Variants in FRMD4A observed in about 807,000 individuals in gnomAD.
The protein encoded by FRMD4A is FERM domain-containing protein 4A.
Under a neutral mutation model 129.1 loss-of-function variants are expected in FRMD4A, and 29 were observed. The observed-to-expected ratio is 0.22, with a 90% CI of 0.17 to 0.31. The LOEUF (loss-of-function observed/expected upper bound fraction) is 0.31, where lower values mean the gene tolerates loss of function less well. Among genes scored for constraint, FRMD4A ranks in the 10% least tolerant of loss-of-function variants. FRMD4A has a pLI of 1.00. For synonymous variants in FRMD4A, 634 were observed against 571.6 expected, an observed-to-expected ratio of 1.11 and a Z score of -1.56; for missense variants, 1,272 against 1,375.8, an observed-to-expected ratio of 0.92 and a Z score of 1.19.
chr10:13,661,355 AGAG>A (rs1422636513), intron 19 of FRMD4A, among the ~76,000 whole-genome samples: 1 of 152,142 alleles, frequency 6.6e-6, no homozygotes, highest in Non-Finnish European at 1.5e-5. Context: ...GGGCAGGCAA[AGAG>A]GAGGAGGAAG....
intron 15 of FRMD4A, among the ~76,000 whole-genome samples, chr10:13,678,464 G>C (rs1444646406): frequency 6.6e-6 from 1 of 152,238 alleles, no homozygotes; most frequent in African/African-American, 2.4e-5. Context: ...CCACTCACTG[G>C]ATGTGTGGCC....
chr10:14,319,179 T>C (rs558333441), intron 2 of FRMD4A, among the ~76,000 whole-genome samples: 1 of 152,310 alleles, frequency 6.6e-6, no homozygotes, highest in South Asian at 2.1e-4. Flanking sequence ...CCATCAGCTC[T>C]TCCCAGCTGA....
In FRMD4A at chr10:14,238,389, C is replaced by A. The variant is rs531174237; in HGVS notation, c.45+91669G>T. Among the ~76,000 whole-genome samples the A allele has an allele frequency of 2.6e-5, 4 of 152,330 alleles. No homozygotes were observed. In the East Asian group the frequency reaches 7.7e-4, roughly 29 times the overall value. ...GTTCGGCCAAGAAATTCGATAGTCA[C>A]CAACTTCATTTCTTCCTTAGGAAAA... On this transcript the variant is annotated intron_variant, in intron 2 of 24. Transcript: ENST00000357447.
intron 2 of FRMD4A, among the ~76,000 whole-genome samples, chr10:14,319,480 G>C (rs1029681821): frequency 5.3e-5 from 8 of 151,922 alleles, no homozygotes; most frequent in Admixed American, 5.3e-4. Flanking sequence ...CTTTGAGGAA[G>C]TGCCGTCATC....
intron 10 of FRMD4A, 102 bp downstream of exon 10, chr10:13,740,409 CA>C: frequency 1.1e-6 from 1 of 880,600 alleles, no homozygotes; most frequent in Non-Finnish European, 1.9e-6. Context: ...ATACACCCCC[CA>C]CTCCCAGATA....
intron 8 of FRMD4A, among the ~76,000 whole-genome samples, chr10:13,756,799 A>T (rs181407705): frequency 6.6e-6 from 1 of 152,220 alleles, no homozygotes; most frequent in African/African-American, 2.4e-5. Context: ...CTTATAGACA[A>T]AAACCAAAAA....
At chr10:13,742,715 C>T (rs1394373431) in intron 9 of FRMD4A, among the ~76,000 whole-genome samples, 1 of 151,980 alleles carries the variant, frequency 6.6e-6, no homozygotes, top group East Asian at 1.9e-4. Flanking sequence ...TGAGGTTTCA[C>T]CACATTGACC....
intron 15 of FRMD4A, chr10:13,685,751 T>C (rs1302699075): frequency 2.7e-6 from 1 of 372,484 alleles, no homozygotes; most frequent in Non-Finnish European, 3.7e-6. Context: ...GAGGCTGGAG[T>C]GAGCTAGCAT....
At chr10:13,920,205 G>A (rs909031114) in intron 2 of FRMD4A, among the ~76,000 whole-genome samples, 5 of 152,140 alleles carry the variant, frequency 3.3e-5, no homozygotes, top group African/African-American at 1.2e-4. Context: ...CAGTTAGATG[G>A]AACAAAAAGA....
At chr10:14,207,668 G>A (rs1215988386) in intron 2 of FRMD4A, among the ~76,000 whole-genome samples, 7 of 149,742 alleles carry the variant, frequency 4.7e-5, no homozygotes. Flanking sequence ...ATAAATGTCA[G>A]CTAATCATCC....
intron 3 of FRMD4A, among the ~76,000 whole-genome samples, chr10:13,832,701 G>A (rs1171525702): frequency 6.6e-6 from 1 of 152,186 alleles, no homozygotes; most frequent in Non-Finnish European, 1.5e-5. Flanking sequence ...ACCCCTAGGG[G>A]ACTAGAGGGT....
At chr10:13,956,579 G>A (rs1167612639) in intron 2 of FRMD4A, among the ~76,000 whole-genome samples, 1 of 152,212 alleles carries the variant, frequency 6.6e-6, no homozygotes, top group East Asian at 1.9e-4. Context: ...GTTGGAGTAT[G>A]GACCTGTGTC....
At chr10:13,772,062 A>C (rs1290935478) in intron 6 of FRMD4A, among the ~76,000 whole-genome samples, 1 of 150,744 alleles carries the variant, frequency 6.6e-6, no homozygotes, top group African/African-American at 2.4e-5. Flanking sequence ...GGTTGCAGTG[A>C]GCTGAGATCA....
At position 13,699,297 on chromosome 10, in the gene FRMD4A, G is replaced by A. The variant is rs151216756; in HGVS notation, c.975+2043C>T. ...TCCCCATGTTTGCCAGGCTGGTCTC[G>A]AACTCCTGACCTCAAGTGATCTGCT... On this transcript the variant is annotated intron_variant, in intron 14 of 24. Coordinates refer to ENST00000357447, the MANE Select transcript of FRMD4A (RefSeq NM_018027.5). Among the ~76,000 whole-genome samples the A allele has an allele frequency of 1.2e-3, 175 of 140,056 alleles. 1 individual carries two copies. Among genetic ancestry groups the A allele is most frequent in the African/African-American group, 4.6e-3 (171 of 37,466 alleles). 91.9% of individuals were successfully genotyped at this position (140,056 alleles called of 152,430 possible). A position where few individuals can be genotyped will look rare whatever the true frequency, so the allele number is the denominator to read the frequency against.
chr10:13,673,669 TAAAC>T (rs777698559), intron 16 of FRMD4A, among the ~76,000 whole-genome samples: 5 of 146,726 alleles, frequency 3.4e-5, no homozygotes, highest in Non-Finnish European at 4.5e-5. Flanking sequence ...AGTCATGAAA[TAAAC>T]AGACAAAGGT....
intron 12 of FRMD4A, among the ~76,000 whole-genome samples, chr10:13,714,865 C>T (rs1033333745): frequency 9.2e-5 from 14 of 152,042 alleles, no homozygotes; most frequent in African/African-American, 3.4e-4. Context: ...TGGTGAACCT[C>T]TGTCTCTACT....
intron 2 of FRMD4A, among the ~76,000 whole-genome samples, chr10:14,022,742 G>A (rs141737740): frequency 6.6e-6 from 1 of 152,204 alleles, no homozygotes; most frequent in African/African-American, 2.4e-5. Context: ...GAAAAGATGG[G>A]TTGTATTTAG....
intron 2 of FRMD4A, among the ~76,000 whole-genome samples, chr10:14,128,007 T>TTC (rs1564319699): frequency 0.052 from 4,993 of 95,482 alleles, 335 homozygotes; most frequent in Non-Finnish European, 0.062. Flanking sequence ...TCTCTTTCTT[T>TTC]CTTTCTTCCT....
intron 9 of FRMD4A, among the ~76,000 whole-genome samples, chr10:13,745,548 CAG>C (rs2091247586): frequency 6.6e-6 from 1 of 152,100 alleles, no homozygotes; most frequent in Middle Eastern, 3.2e-3. Context: ...GCAGAAGAGA[CAG>C]AGAGAGTGTG....
Sources: gnomAD v4.1 joint callset for allele counts (sites outside exome capture counted in the v4.1 genomes callset) on GRCh38, gnomAD v4.1.1 for gene constraint, MANE v1.5 for transcripts, NCBI Gene and HGNC (gene_info 2026-07-23, HGNC 2026-07-21) for gene names.